The following PCDHGA1 variants were observed in gnomAD, a reference collection of about 807,000 sequenced individuals.
PCDHGA1 encodes protocadherin gamma subfamily A, 1, also known as protocadherin gamma-A1.
Under a neutral mutation model 58.0 loss-of-function variants are expected in PCDHGA1, and 32 were observed. That is an observed-to-expected ratio of 0.55 (90% CI 0.42 to 0.74). The LOEUF is 0.74. Among genes scored for constraint, PCDHGA1 ranks in the 30% least tolerant of loss-of-function variants. The pLI is 0.00. For missense variants in PCDHGA1, 1,205 were observed against 1,182.3 expected, an observed-to-expected ratio of 1.02 and a Z score of -0.28; for synonymous variants, 498 against 501.1, an observed-to-expected ratio of 0.99 and a Z score of 0.08.
chr5:141,332,081 C>G lies in PCDHGA1; in HGVS notation c.1397C>G (p.Pro466Arg). 1 of 1,614,138 alleles carries G rather than the reference C, an allele frequency of 6.2e-7. No homozygotes were observed. Among genetic ancestry groups the G allele is most frequent in the Non-Finnish European group, 8.5e-7 (1 of 1,180,018 alleles). The change falls in exon 1 of 4, where the codon CCC (proline) becomes CGC (arginine). Residue 466 changes from proline (P) to arginine (R), a missense_variant. Transcript: ENST00000517417. The surrounding 1 kb of genome is among the most constrained non-coding windows in gnomAD (Gnocchi z 4.6). The stretch of plus-strand genomic sequence containing the variant: ...TCTGCCTACATTCCCGAAAACAACC[C>G]CAGAGGAGCCTCCATCTTCTCTGTG... The part of the protein sequence containing the change: ...SYSAYIPENN[P>R]RGASIFSVRA...
intron 1 of PCDHGA1, chr5:141,408,314 C>A (rs1408322838): frequency 1.2e-6 from 2 of 1,613,846 alleles, no homozygotes; most frequent in Admixed American, 3.3e-5. Context: ...CTACTCGATT[C>A]CGGAGGAGCT....
At chr5:141,421,322 T>A (rs774885270) in intron 1 of PCDHGA1, 1 of 1,613,864 alleles carries the variant, frequency 6.2e-7, no homozygotes, top group Non-Finnish European at 8.5e-7. Context: ...GCCAGGCAGA[T>A]CCGATATTCG....
intron 1 of PCDHGA1, chr5:141,339,668 C>T (rs747182196): frequency 1.2e-6 from 2 of 1,614,210 alleles, no homozygotes; most frequent in Admixed American, 1.7e-5. Flanking sequence ...CGTGAAGGTC[C>T]TGGATGCGAA....
chr5:141,489,915 C>T lies in PCDHGA1; in HGVS notation c.2422-4892C>T, dbSNP rs971312502. On this transcript the variant is annotated intron_variant, in intron 1 of 3. Coordinates refer to ENST00000517417, the MANE Select transcript of PCDHGA1 (RefSeq NM_018912.3). This position sits in a 1 kb window ranked among gnomAD's most constrained non-coding sequence, Gnocchi z 4.5. ...GGGGGACCCCAGCCCGCTCAGGGAC[C>T]ACCCTTATCTCTGTCATCGTGCTGG... The T allele has an allele frequency of 6.2e-7, 1 of 1,614,242 alleles. No individual in the cohort carries two copies. Among genetic ancestry groups the T allele is most frequent in the Non-Finnish European group, 8.5e-7 (1 of 1,180,044 alleles).
rs73280911 is a variant in PCDHGA1, at chr5:141,446,356, A to C, written c.2422-48451A>C. Among the ~76,000 whole-genome samples the C allele has an allele frequency of 2.0e-5, 3 of 152,188 alleles. No individual in the cohort carries two copies. In the South Asian group the frequency reaches 6.2e-4, roughly 31 times the overall value. On this transcript the variant is annotated intron_variant, in intron 1 of 3. Transcript: ENST00000517417. ...ACTGGATGGACAAAGCTACCATTTGATGAGAATGGAAGACTAAAGAATGAT... is the reference window on the plus strand; with the variant it reads ...ACTGGATGGACAAAGCTACCATTTGCTGAGAATGGAAGACTAAAGAATGAT...
intron 1 of PCDHGA1, chr5:141,364,749 T>G: frequency 6.2e-7 from 1 of 1,613,916 alleles, no homozygotes; most frequent in Non-Finnish European, 8.5e-7. Flanking sequence ...GAGTTAAAAG[T>G]AAAAGTTAAT....
At chr5:141,430,612 G>A (rs1406353008) in intron 1 of PCDHGA1, 2 of 680,678 alleles carry the variant, frequency 2.9e-6, no homozygotes, top group African/African-American at 3.7e-5. Flanking sequence ...GCACAAAGCA[G>A]ATAGCTAGGA....
At position 141,421,588 on chromosome 5, in the gene PCDHGA1, G is replaced by C; in HGVS notation, c.2422-73219G>C. 3 of 1,613,910 alleles carry C rather than the reference G, an allele frequency of 1.9e-6. No homozygotes were observed. The South Asian group carries it at 3.3e-5, about 18-fold the overall frequency. ...AGACACCTTGAAGATTTACGGAGTGGAGGTGGAAATAATAGATATTAATGA... is the reference window on the plus strand; with the variant it reads ...AGACACCTTGAAGATTTACGGAGTGCAGGTGGAAATAATAGATATTAATGA... On this transcript the variant is annotated intron_variant, in intron 1 of 3. Coordinates refer to ENST00000517417, the MANE Select transcript of PCDHGA1 (RefSeq NM_018912.3).
Position 141,423,358 on chromosome 5 carries a change from G to A in PCDHGA1, c.2422-71449G>A, listed in dbSNP as rs202010010. The A allele has an allele frequency of 2.3e-4, 371 of 1,614,078 alleles. 1 individual carries two copies. The highest frequency in any genetic ancestry group is 2.8e-4 in the Non-Finnish European group (334 of 1,180,024). ...CTGCATCTTCCTGGTCTTTGTCATC[G>A]TGCTGCTGGCACTCAGGCTGTGGCG... On this transcript the variant is annotated intron_variant, in intron 1 of 3. Coordinates refer to ENST00000517417, the MANE Select transcript of PCDHGA1 (RefSeq NM_018912.3).
At position 141,485,561 on chromosome 5, in the gene PCDHGA1, GCCC is replaced by G; in HGVS notation, c.2422-9242_2422-9240del. ...AGAGATCGTAGATGTGAATGATCAC[GCCC>G]CCCGTTTTCCGCGGCAGCAGCTGGA... On this transcript the variant is annotated intron_variant, in intron 1 of 3. Transcript: ENST00000517417. This position sits in a 1 kb window ranked among gnomAD's most constrained non-coding sequence, Gnocchi z 5.7. 1 of 1,613,008 alleles carries G rather than the reference GCCC, an allele frequency of 6.2e-7. No homozygotes were observed.
intron 1 of PCDHGA1, among the ~76,000 whole-genome samples, chr5:141,484,319 C>T (rs1191113560): frequency 6.6e-6 from 1 of 152,212 alleles, no homozygotes; most frequent in Non-Finnish European, 1.5e-5. Context: ...CGCTTCCATA[C>T]TGTCCTTGAA....
chr5:141,405,527 C>T (rs1055420196), intron 1 of PCDHGA1: 7 of 670,510 alleles, frequency 1.0e-5, no homozygotes, highest in Non-Finnish European at 1.8e-5. Flanking sequence ...TCAAGCGATT[C>T]TCCTGCCTCA....
intron 1 of PCDHGA1, chr5:141,372,840 A>G (rs373804282): frequency 2.6e-6 from 4 of 1,521,774 alleles, no homozygotes; most frequent in Non-Finnish European, 3.5e-6. Context: ...CCTTCCATAA[A>G]TATAATTGGG....
At chr5:141,421,206 G>A in intron 1 of PCDHGA1, 1 of 1,531,730 alleles carries the variant, frequency 6.5e-7, no homozygotes, top group Non-Finnish European at 8.8e-7. Context: ...AGAAACCGCG[G>A]AATATCGGCT....
chr5:141,394,580 C>G, intron 1 of PCDHGA1: 1 of 1,613,914 alleles, frequency 6.2e-7, no homozygotes, highest in Non-Finnish European at 8.5e-7. Flanking sequence ...ACCTGGTGAC[C>G]AAGGTGGTGG....
In PCDHGA1 at chr5:141,431,465, AACG is replaced by A; in HGVS notation, c.2422-63339_2422-63337del. 1.9e-6 allele frequency: 3 copies of A among 1,613,790 alleles called. No homozygotes were observed. The highest frequency in any genetic ancestry group is 2.5e-6 in the Non-Finnish European group (3 of 1,179,970). ...CATCCGCGTGATGGTTCTGGATGCGAACGACAACGCACCAGCGTTTGCTCAGCC... is the reference window on the plus strand; with the variant it reads ...CATCCGCGTGATGGTTCTGGATGCGAACAACGCACCAGCGTTTGCTCAGCC... On this transcript the variant is annotated intron_variant, in intron 1 of 3. Transcript: ENST00000517417. The surrounding 1 kb of genome is among the most constrained non-coding windows in gnomAD (Gnocchi z 4.8).
chr5:141,485,009 C>A lies in PCDHGA1; in HGVS notation c.2422-9798C>A, dbSNP rs531346426. 4 of 628,216 alleles carry A rather than the reference C, an allele frequency of 6.4e-6. No individual in the cohort carries two copies. Among genetic ancestry groups the A allele is most frequent in the African/African-American group, 3.7e-5 (2 of 54,100 alleles). 38.9% of individuals were successfully genotyped at this position (628,216 alleles called of 1,614,324 possible). On this transcript the variant is annotated intron_variant, in intron 1 of 3. Transcript: ENST00000517417. This position sits in a 1 kb window ranked among gnomAD's most constrained non-coding sequence, Gnocchi z 5.7. Reference sequence around the variant, plus strand: ...GGTGGTGAAAGGCAGACAAATCTACCCCGCCACCAGCAAAAACGGCGCGTA... The same window carrying A: ...GGTGGTGAAAGGCAGACAAATCTACACCGCCACCAGCAAAAACGGCGCGTA...
chr5:141,413,176 A>G lies in PCDHGA1; in HGVS notation c.2421+80071A>G, dbSNP rs758582296. 252 of 1,601,774 alleles carry G rather than the reference A, an allele frequency of 1.6e-4. 1 individual carries two copies. Among genetic ancestry groups the G allele is most frequent in the Non-Finnish European group, 2.1e-4 (243 of 1,173,006 alleles). Reference sequence around the variant, plus strand: ...TGCAGAATTCTGTAACCAGACTACAATGGCCGCTCAAAGGAATCGCTCAAA... The same window carrying G: ...TGCAGAATTCTGTAACCAGACTACAGTGGCCGCTCAAAGGAATCGCTCAAA... On this transcript the variant is annotated intron_variant, in intron 1 of 3. Coordinates refer to ENST00000517417, the MANE Select transcript of PCDHGA1 (RefSeq NM_018912.3).
At chr5:141,381,949 C>T (rs897929706) in intron 1 of PCDHGA1, among the ~76,000 whole-genome samples, 2 of 150,880 alleles carry the variant, frequency 1.3e-5, no homozygotes, top group Non-Finnish European at 2.9e-5. Context: ...CCTGCCTCAG[C>T]CTCCTGAGTA....
Sources: gnomAD v4.1 joint callset for allele counts (sites outside exome capture counted in the v4.1 genomes callset) on GRCh38, gnomAD v4.1.1 for gene constraint, Gnocchi (gnomAD v3.1) non-coding constraint, MANE v1.5 for transcripts, NCBI Gene and HGNC (gene_info 2026-07-23, HGNC 2026-07-21) for gene names.